Variants in AFF2 observed in about 807,000 individuals in gnomAD.
AFF2 encodes AF4/FMR2 family member 2.
Under a neutral mutation model 76.9 loss-of-function variants are expected in AFF2, and 14 were observed. The observed-to-expected ratio is 0.18, with a 90% confidence interval of 0.12 to 0.28. AFF2 has a LOEUF of 0.28. AFF2 is among the 10% of genes least tolerant of loss of function. The pLI, the probability that AFF2 is intolerant of heterozygous loss-of-function variation, is 1.00. For missense variants in AFF2, 868 were observed against 1,001.1 expected (o/e 0.87, Z 1.79); for synonymous variants, 398 against 366.7 (o/e 1.09, Z -0.98).
At chrX:148,793,332 C>G (rs2069925147) in intron 3 of AFF2, among the ~76,000 whole-genome samples, 1 of 111,885 alleles carries the variant, frequency 8.9e-6, no homozygotes, top group Non-Finnish European at 1.9e-5. Context: ...GACTTTGCCT[C>G]CCTTTTATGT....
At chrX:148,800,759 T>G (rs1340663960) in intron 3 of AFF2, among the ~76,000 whole-genome samples, 1 of 111,920 alleles carries the variant, frequency 8.9e-6, no homozygotes, top group Non-Finnish European at 1.9e-5. Context: ...CTGTAAATGA[T>G]TTGAAGAACT....
intron 3 of AFF2, among the ~76,000 whole-genome samples, chrX:148,747,193 G>A (rs1557266136): frequency 3.6e-5 from 4 of 110,973 alleles, no homozygotes. Context: ...TAGCACTTTT[G>A]TAAGGAAGCT....
intron 3 of AFF2, among the ~76,000 whole-genome samples, chrX:148,743,228 T>C (rs1474001934): frequency 8.9e-6 from 1 of 112,301 alleles, no homozygotes; most frequent in Non-Finnish European, 1.9e-5. Flanking sequence ...TACAATCAAC[T>C]GTTGCATGAA....
intron 1 of AFF2, among the ~76,000 whole-genome samples, chrX:148,648,207 G>A (rs1395011880): frequency 3.6e-5 from 4 of 111,302 alleles, no homozygotes; most frequent in African/African-American, 6.6e-5. Flanking sequence ...TGTAAATGAG[G>A]GCAGTTCCTC....
chrX:148,725,031 G>C (rs893459920), intron 3 of AFF2, among the ~76,000 whole-genome samples: 1 of 110,957 alleles, frequency 9.0e-6, no homozygotes, highest in Admixed American at 9.6e-5. Flanking sequence ...GGGTCAGCTG[G>C]TACCCAGTTT....
intron 9 of AFF2, among the ~76,000 whole-genome samples, chrX:148,934,478 T>G (rs2071749655): frequency 8.9e-6 from 1 of 112,371 alleles, no homozygotes; most frequent in African/African-American, 3.2e-5. Context: ...AGAAGGCCAT[T>G]TACCCCTTAA....
In AFF2 at chrX:148,936,582, T is replaced by A. The variant is rs192961592; in HGVS notation, c.1398-16998T>A. On this transcript the variant is annotated intron_variant, in intron 9 of 20. Transcript: ENST00000370460. ...TAGTAGACTTCCAAGCATATACTGT[T>A]GCATCCGTAATTTCTTCTGTTGCTT... 4.4e-5 allele frequency among the ~76,000 whole-genome samples: 5 copies of A among 112,901 alleles called. No homozygotes were observed. The Admixed American group carries it at 4.7e-4, about 11-fold the overall frequency.
At chrX:148,741,310 T>A (rs1557265618) in intron 3 of AFF2, among the ~76,000 whole-genome samples, 1 of 110,815 alleles carries the variant, frequency 9.0e-6, no homozygotes, top group Non-Finnish European at 1.9e-5. Context: ...TGGGTCTTCC[T>A]GTGACTGCTG....
intron 1 of AFF2, among the ~76,000 whole-genome samples, chrX:148,613,395 A>C (rs2053752953): frequency 8.9e-6 from 1 of 111,869 alleles, no homozygotes; most frequent in Non-Finnish European, 1.9e-5. Flanking sequence ...ATTGCAAGTG[A>C]AAATGAATGT....
chrX:148,660,106 G>C (rs1185963835), intron 2 of AFF2, among the ~76,000 whole-genome samples: 4 of 111,979 alleles, frequency 3.6e-5, no homozygotes, highest in Non-Finnish European at 7.5e-5. Flanking sequence ...AGCTCCCTTA[G>C]CATATGTTTA....
At chrX:148,857,820 T>C (rs1557276059) in intron 7 of AFF2, among the ~76,000 whole-genome samples, 1 of 111,448 alleles carries the variant, frequency 9.0e-6, no homozygotes, top group African/African-American at 3.3e-5. Context: ...GTTCCTAAGC[T>C]TTCAACCCTC....
chrX:148,945,473 C>T (rs2071889418), intron 9 of AFF2, among the ~76,000 whole-genome samples: 2 of 111,936 alleles, frequency 1.8e-5, no homozygotes, highest in South Asian at 7.5e-4. Context: ...TCTTTTTCTC[C>T]CAGTGGCTCC....
chrX:148,513,330 A>G (rs1229992997), intron 1 of AFF2, among the ~76,000 whole-genome samples: 1 of 111,825 alleles, frequency 8.9e-6, no homozygotes, highest in Non-Finnish European at 1.9e-5. Context: ...TAGCTGCTCC[A>G]GGGATGTACC....
At chrX:148,844,921 G>T (rs782665399) in intron 7 of AFF2, among the ~76,000 whole-genome samples, 1 of 111,555 alleles carries the variant, frequency 9.0e-6, no homozygotes, top group African/African-American at 3.3e-5. Context: ...CCATAATCCC[G>T]ATTTAAGGAC....
At chrX:148,811,738 T>C (rs1422651523) in intron 4 of AFF2, among the ~76,000 whole-genome samples, 2 of 111,908 alleles carry the variant, frequency 1.8e-5, no homozygotes, top group Non-Finnish European at 3.8e-5. Context: ...TAGGTGGTTA[T>C]GTGACTAAAT....
chrX:148,893,971 T>C (rs2071252684), intron 8 of AFF2, among the ~76,000 whole-genome samples: 1 of 111,500 alleles, frequency 9.0e-6, no homozygotes, highest in African/African-American at 3.3e-5. Context: ...GCACATTCTT[T>C]TCCTTAAGTC....
At chrX:148,713,294 A>C (rs2054990410) in intron 3 of AFF2, among the ~76,000 whole-genome samples, 1 of 111,544 alleles carries the variant, frequency 9.0e-6, no homozygotes, top group African/African-American at 3.3e-5. Context: ...AAGTGAGATG[A>C]GAGCCGTTGA....
intron 1 of AFF2, among the ~76,000 whole-genome samples, chrX:148,581,307 T>TAC (rs1277934733): frequency 3.2e-5 from 1 of 31,314 alleles, no homozygotes; most frequent in African/African-American, 9.7e-5. Flanking sequence ...TACACACATA[T>TAC]ACGTATACGT....
At chrX:148,914,353 A>G (rs2071503828) in intron 9 of AFF2, among the ~76,000 whole-genome samples, 1 of 111,894 alleles carries the variant, frequency 8.9e-6, no homozygotes, top group Admixed American at 9.5e-5. Context: ...ATAGAAAAGA[A>G]AGGAAAGAGT....
Sources: allele counts gnomAD v4.1 joint callset (sites outside exome capture counted in the v4.1 genomes callset), GRCh38; gene constraint gnomAD v4.1.1; transcripts MANE v1.5; gene names NCBI Gene and HGNC (gene_info 2026-07-23, HGNC 2026-07-21).